The following CORO1C variants were observed in gnomAD, a reference collection of about 807,000 sequenced individuals.
CORO1C encodes the protein coronin 1C, also known as coronin-1C.
In CORO1C, 14 loss-of-function variants were observed where a neutral mutation model predicts 51.2. That is an observed-to-expected ratio of 0.27 (90% confidence interval 0.18 to 0.43). CORO1C has a LOEUF of 0.43. CORO1C is among the 20% of genes least tolerant of loss of function. CORO1C has a pLI of 1.00. For synonymous variants in CORO1C, 181 were observed against 210.5 expected (o/e 0.86, Z 1.21); for missense variants, 417 against 607.8 (o/e 0.69, Z 3.30).
At chr12:108,665,342 G>C (rs2033432492) in intron 3 of CORO1C, among the ~76,000 whole-genome samples, 2 of 152,032 alleles carry the variant, frequency 1.3e-5, no homozygotes, top group Admixed American at 1.3e-4. Context: ...CCCTCAGCTG[G>C]GTTTATTCAC....
intron 3 of CORO1C, among the ~76,000 whole-genome samples, chr12:108,676,643 A>G (rs1009898443): frequency 2.2e-4 from 34 of 151,904 alleles, no homozygotes; most frequent in Admixed American, 2.6e-4. Flanking sequence ...ATGGTGGCGC[A>G]GGGCTGTAAT....
chr12:108,708,570 T>G (rs2035093390), intron 1 of CORO1C, among the ~76,000 whole-genome samples: 1 of 151,264 alleles, frequency 6.6e-6, no homozygotes, highest in African/African-American at 2.4e-5. Context: ...CAAGCAATTC[T>G]CCTGCCTCAG....
intron 1 of CORO1C, chr12:108,730,699 AC>A: frequency 6.6e-6 from 1 of 150,396 alleles, no homozygotes; most frequent in Non-Finnish European, 1.5e-5. Flanking sequence ...TCCCCTCCCA[AC>A]CCCCAGCCAG....
chr12:108,727,342 G>T lies in CORO1C; in HGVS notation c.-6+4087C>A, dbSNP rs550859644. The stretch of plus-strand genomic sequence containing the variant: ...AAACCTCATGACCCATGTCCCAAAG[G>T]ACAAGTGGGATTCTAGAAGTAGAAA... On this transcript the variant is annotated intron_variant, in intron 1 of 10. Transcript: ENST00000261401. 3.3e-5 allele frequency among the ~76,000 whole-genome samples: 5 copies of T among 152,324 alleles called. No individual in the cohort carries two copies. In the East Asian group the frequency reaches 9.6e-4, roughly 29 times the overall value.
chr12:108,717,087 G>A (rs990930866), intron 1 of CORO1C, among the ~76,000 whole-genome samples: 10 of 152,240 alleles, frequency 6.6e-5, no homozygotes, highest in Admixed American at 3.9e-4. Flanking sequence ...CAAGGTAACT[G>A]AGTCAATAAT....
At chr12:108,685,275 A>G (rs936259034) in intron 2 of CORO1C, among the ~76,000 whole-genome samples, 25 of 152,326 alleles carry the variant, frequency 1.6e-4, no homozygotes, top group African/African-American at 5.1e-4. Context: ...CTCAGCCCCA[A>G]TAAATCCACA....
chr12:108,713,308 G>A (rs1280478037), intron 1 of CORO1C, among the ~76,000 whole-genome samples: 1 of 152,148 alleles, frequency 6.6e-6, no homozygotes, highest in East Asian at 1.9e-4. Flanking sequence ...TAGCATGGCC[G>A]ACTGACTGCA....
Position 108,678,724 on chromosome 12 carries a change from A to AC in CORO1C, c.196-331_196-330insG, listed in dbSNP as rs1238810379. ...AAAAGGATGTTCCATGGCTTAAAAA[A>AC]AAAAAAAAAAAAACCCTAAACCTTG... On this transcript the variant is annotated intron_variant, in intron 2 of 10. Transcript: ENST00000261401. Among the ~76,000 whole-genome samples, 424 of 152,104 alleles carry AC rather than the reference A, an allele frequency of 2.8e-3. 2 individuals carry two copies. The highest frequency in any genetic ancestry group is 9.4e-3 in the African/African-American group (389 of 41,518).
intron 1 of CORO1C, chr12:108,702,837 G>C: frequency 1.3e-6 from 2 of 1,535,260 alleles, no homozygotes; most frequent in Non-Finnish European, 1.7e-6. Flanking sequence ...TCCAATGCTG[G>C]GGGCATGTAG....
chr12:108,670,018 C>T (rs772398197), intron 3 of CORO1C, among the ~76,000 whole-genome samples: 2 of 152,014 alleles, frequency 1.3e-5, no homozygotes, highest in African/African-American at 2.4e-5. Flanking sequence ...AATAAAAGGG[C>T]GACATTGAGG....
intron 3 of CORO1C, among the ~76,000 whole-genome samples, chr12:108,671,239 G>A (rs1383538361): frequency 6.6e-6 from 1 of 152,002 alleles, no homozygotes; most frequent in Non-Finnish European, 1.5e-5. Flanking sequence ...GGAAGGTTGA[G>A]GTGGGAGGAT....
intron 1 of CORO1C, chr12:108,702,870 T>C (rs1291659585): frequency 6.5e-7 from 1 of 1,535,814 alleles, no homozygotes; most frequent in Non-Finnish European, 8.7e-7. Flanking sequence ...AAGAGACCCT[T>C]GGCAGGCAAT....
At chr12:108,710,194 G>C (rs923265653) in intron 1 of CORO1C, among the ~76,000 whole-genome samples, 6 of 152,166 alleles carry the variant, frequency 3.9e-5, no homozygotes, top group Admixed American at 2.0e-4. Context: ...AATAGGTTGA[G>C]AACACAGGCT....
chr12:108,695,750 A>G (rs2034651905), intron 2 of CORO1C, among the ~76,000 whole-genome samples: 1 of 152,012 alleles, frequency 6.6e-6, no homozygotes, highest in East Asian at 1.9e-4. Flanking sequence ...TAGGTTCTAT[A>G]AGAAATTAAA....
chr12:108,707,991 G>C (rs1381420136), intron 1 of CORO1C, among the ~76,000 whole-genome samples: 1 of 152,188 alleles, frequency 6.6e-6, no homozygotes, highest in South Asian at 2.1e-4. Flanking sequence ...AAGGGTTGAT[G>C]AGAATATAGA....
rs1394753344 is a variant in CORO1C at position 108,674,255 on chromosome 12, G to A, written c.318+4017C>T. On this transcript the variant is annotated intron_variant, in intron 3 of 10. Transcript: ENST00000261401. ...TGATAGTGATTCCCCTGATGGATCT[G>A]GGCAAAGTGAATTAAAAACCTTCTG... Among the ~76,000 whole-genome samples, 9 of 152,314 alleles carry A rather than the reference G, an allele frequency of 5.9e-5. 1 individual carries two copies. The South Asian group carries it at 1.7e-3, about 28-fold the overall frequency.
chr12:108,649,136 C>T (rs2032525161), intron 8 of CORO1C, 116 bp from the exon 9 acceptor site: 6 of 1,182,740 alleles, frequency 5.1e-6, no homozygotes. Flanking sequence ...CTTTACCCAT[C>T]CCCACATCTG....
rs775054781 is a variant in CORO1C at position 108,648,641 on chromosome 12, G to A, written c.1269C>T (p.Ile423=). The A allele has an allele frequency of 3.7e-6, 6 of 1,614,114 alleles. No individual in the cohort carries two copies. The highest frequency in any genetic ancestry group is 1.3e-5 in the African/African-American group (1 of 74,932). ...KPTANKKCDL[I]SIPKKTTDTA... ...TGTCTGTGGTTTTCTTGGGGATGCT[G>A]ATCAGGTCGCACTTCTTGTTTGCAG... The change falls in exon 10 of 11, where the codon ATC becomes ATT. Residue 423 remains isoleucine, a synonymous_variant. Transcript: ENST00000261401.
At position 108,710,597 on chromosome 12, in the gene CORO1C, G is replaced by A. The variant is rs574763393; in HGVS notation, c.-5-9274C>T. Among the ~76,000 whole-genome samples the A allele has an allele frequency of 6.1e-5, 9 of 148,272 alleles. No homozygotes were observed. The East Asian group carries it at 7.9e-4, about 13-fold the overall frequency. On this transcript the variant is annotated intron_variant, in intron 1 of 10. Coordinates refer to ENST00000261401, the MANE Select transcript of CORO1C (RefSeq NM_014325.4). The stretch of plus-strand genomic sequence containing the variant: ...TTCTTTTTTTTTGAGACAGAGTCTC[G>A]CTCTGTCACCAGGCTGGAGTGCAGT...
Sources: gnomAD v4.1 joint callset for allele counts (sites outside exome capture counted in the v4.1 genomes callset) on GRCh38, gnomAD v4.1.1 for gene constraint, MANE v1.5 for transcripts, NCBI Gene and HGNC (gene_info 2026-07-23, HGNC 2026-07-21) for gene names.